PCDH11X: variants seen among roughly 807,000 people sequenced by gnomAD.
PCDH11X encodes protocadherin-11 X-linked.
In PCDH11X, 18 loss-of-function variants were observed where a neutral mutation model predicts 53.3. The observed-to-expected ratio is 0.34, with a 90% CI of 0.23 to 0.50. The LOEUF (loss-of-function observed/expected upper bound fraction) is 0.50. Among genes scored for constraint, PCDH11X ranks in the 20% least tolerant of loss-of-function variants. The pLI is 0.98. For synonymous variants in PCDH11X, 279 were observed against 393.3 expected (o/e 0.71, Z 3.44); for missense variants, 570 against 1,032.4 (o/e 0.55, Z 6.14).
intron 7 of PCDH11X, among the ~76,000 whole-genome samples, chrX:92,214,587 T>C (rs2066654046): frequency 8.9e-6 from 1 of 111,900 alleles, no homozygotes; most frequent in African/African-American, 3.3e-5. Flanking sequence ...AACCAGGTAA[T>C]CAATTCCGTT....
intron 10 of PCDH11X, among the ~76,000 whole-genome samples, chrX:92,488,607 A>G (rs1315912072): frequency 9.0e-6 from 1 of 110,933 alleles, no homozygotes; most frequent in Non-Finnish European, 1.9e-5. Context: ...GTTATTATAT[A>G]TTTATACCTC....
At chrX:91,958,393 G>T (rs1280347233) in intron 6 of PCDH11X, among the ~76,000 whole-genome samples, 3 of 111,435 alleles carry the variant, frequency 2.7e-5, no homozygotes, top group African/African-American at 9.8e-5. Context: ...AAGTTCCTGG[G>T]TGTCTGTGTG....
chrX:92,420,642 A>G, intron 9 of PCDH11X: 2 of 213,706 alleles, frequency 9.4e-6, no homozygotes, highest in Non-Finnish European at 1.8e-5. Context: ...TCTGGCCTTC[A>G]TGGCTTTTAA....
In PCDH11X at chrX:92,251,724, A is replaced by G. The variant is rs1368091642; in HGVS notation, c.3115-11390A>G. ...CAAGGTGATGATGGCAATGGCAGTGACGACTGTAGTATCAATGCTCCTGTA... is the reference window on the plus strand; with the variant it reads ...CAAGGTGATGATGGCAATGGCAGTGGCGACTGTAGTATCAATGCTCCTGTA... On this transcript the variant is annotated intron_variant, in intron 7 of 10. Coordinates refer to ENST00000682573, the MANE Select transcript of PCDH11X (RefSeq NM_032968.5). Among the ~76,000 whole-genome samples, 3 of 111,110 alleles carry G rather than the reference A, an allele frequency of 2.7e-5. No homozygotes were observed. The East Asian group carries it at 8.4e-4, about 31-fold the overall frequency.
intron 7 of PCDH11X, among the ~76,000 whole-genome samples, chrX:92,254,928 C>T (rs1349369130): frequency 1.0e-5 from 1 of 99,079 alleles, no homozygotes; most frequent in African/African-American, 3.7e-5. Context: ...CTTGGAGTTG[C>T]TCTTCTCGAG....
intron 6 of PCDH11X, among the ~76,000 whole-genome samples, chrX:92,010,593 A>G (rs1369998478): frequency 9.0e-6 from 1 of 111,190 alleles, no homozygotes; most frequent in East Asian, 2.8e-4. Flanking sequence ...CCATGTGTAC[A>G]GAACACTTTG....
chrX:92,587,306 C>T (rs1034372977), intron 10 of PCDH11X, among the ~76,000 whole-genome samples: 1 of 110,957 alleles, frequency 9.0e-6, no homozygotes, highest in African/African-American at 3.3e-5. Context: ...TTAAGAAAAA[C>T]GTCTTTAAAA....
At chrX:92,276,422 C>T (rs918078231) in intron 8 of PCDH11X, among the ~76,000 whole-genome samples, 12 of 109,940 alleles carry the variant, frequency 1.1e-4, no homozygotes, top group South Asian at 7.9e-4. Context: ...TTGAACAGTC[C>T]GATTTCCAGT....
At chrX:91,949,012 C>T (rs1345645551) in intron 6 of PCDH11X, among the ~76,000 whole-genome samples, 5 of 110,387 alleles carry the variant, frequency 4.5e-5, no homozygotes, top group Non-Finnish European at 7.6e-5. Context: ...TCTCGTCGAG[C>T]AGAGGCCTCA....
chrX:91,991,621 TA>T (rs1277553522), intron 6 of PCDH11X, among the ~76,000 whole-genome samples: 1 of 103,749 alleles, frequency 9.6e-6, no homozygotes, highest in Non-Finnish European at 2.0e-5. Flanking sequence ...TTGGTGTTGG[TA>T]ATTCTGGATT....
chrX:92,226,570 G>A (rs2066975413), intron 7 of PCDH11X, among the ~76,000 whole-genome samples: 1 of 111,883 alleles, frequency 8.9e-6, no homozygotes, highest in Non-Finnish European at 1.9e-5. Flanking sequence ...GCAGGAGAAA[G>A]TTACAGTAAA....
intron 7 of PCDH11X, among the ~76,000 whole-genome samples, chrX:92,238,720 A>G (rs1338848077): frequency 8.9e-6 from 1 of 111,768 alleles, no homozygotes; most frequent in Non-Finnish European, 1.9e-5. Context: ...ATACAATTAA[A>G]TAAATATTGC....
chrX:92,303,591 C>A (rs1220331879), intron 8 of PCDH11X, among the ~76,000 whole-genome samples: 1 of 111,403 alleles, frequency 9.0e-6, no homozygotes, highest in African/African-American at 3.3e-5. Flanking sequence ...TGTAAAGAAA[C>A]ACTATCTGAC....
chrX:92,378,254 G>A (rs2070795657), intron 8 of PCDH11X, among the ~76,000 whole-genome samples: 1 of 107,690 alleles, frequency 9.3e-6, no homozygotes, highest in Admixed American at 1.0e-4. Context: ...AAGTTGTCTT[G>A]TTTAATGGTC....
chrX:92,281,445 C>A (rs1193018353), intron 8 of PCDH11X, among the ~76,000 whole-genome samples: 1 of 111,907 alleles, frequency 8.9e-6, no homozygotes, highest in African/African-American at 3.2e-5. Context: ...CATTCCCAGG[C>A]AACTGCCATG....
intron 7 of PCDH11X, among the ~76,000 whole-genome samples, chrX:92,259,075 C>T (rs1340891709): frequency 9.0e-6 from 1 of 110,531 alleles, no homozygotes; most frequent in Admixed American, 9.7e-5. Context: ...ATATCACCAT[C>T]AGTAATTTGG....
At chrX:92,439,193 A>G (rs2072457445) in intron 9 of PCDH11X, among the ~76,000 whole-genome samples, 1 of 110,997 alleles carries the variant, frequency 9.0e-6, no homozygotes, top group Admixed American at 9.6e-5. Context: ...ATGAACTGTC[A>G]TAAGAAAGAA....
At chrX:92,245,484 A>G (rs1040864482) in intron 7 of PCDH11X, among the ~76,000 whole-genome samples, 2 of 112,810 alleles carry the variant, frequency 1.8e-5, no homozygotes, top group African/African-American at 6.4e-5. Context: ...GACTATTTTG[A>G]CATCACTATA....
chrX:91,801,283 G>A (rs1267036570), intron 1 of PCDH11X, among the ~76,000 whole-genome samples: 4 of 109,149 alleles, frequency 3.7e-5, no homozygotes, highest in Non-Finnish European at 7.6e-5. Context: ...AATTTAAAAG[G>A]AAACATAAAG....
Sources: allele counts gnomAD v4.1 joint callset (sites outside exome capture counted in the v4.1 genomes callset), GRCh38; gene constraint gnomAD v4.1.1; transcripts MANE v1.5; gene names NCBI Gene and HGNC (gene_info 2026-07-23, HGNC 2026-07-21).